The following NCKAP5L variants were observed in gnomAD, a reference collection of about 807,000 sequenced individuals.
NCKAP5L encodes the protein nck-associated protein 5-like.
Under a neutral mutation model 103.2 loss-of-function variants are expected in NCKAP5L, and 54 were observed. The ratio of observed to expected loss-of-function variants is 0.52; its 90% CI spans 0.42 to 0.66. The LOEUF (loss-of-function observed/expected upper bound fraction) is 0.66, where lower values mean the gene tolerates loss of function less well. NCKAP5L is among the 30% of genes least tolerant of loss of function. The pLI is 0.00. For synonymous variants in NCKAP5L, 762 were observed against 748.6 expected, an observed-to-expected ratio of 1.02 and a Z score of -0.29; for missense variants, 1,733 against 1,750.6, an observed-to-expected ratio of 0.99 and a Z score of 0.18.
chr12:49,821,960 G>A (rs1946365768), intron 1 of NCKAP5L, among the ~76,000 whole-genome samples: 1 of 152,192 alleles, frequency 6.6e-6, no homozygotes, highest in African/African-American at 2.4e-5. Context: ...TGGTCTGAAT[G>A]TTTGTATCCC....
chr12:49,819,915 G>T (rs532181758), intron 1 of NCKAP5L, among the ~76,000 whole-genome samples: 1 of 152,324 alleles, frequency 6.6e-6, no homozygotes, highest in Non-Finnish European at 1.5e-5. Flanking sequence ...AGAAGGAAAG[G>T]CAGCAACAGA....
At chr12:49,824,484 G>T (rs1401033334) in intron 1 of NCKAP5L, among the ~76,000 whole-genome samples, 1 of 152,238 alleles carries the variant, frequency 6.6e-6, no homozygotes, top group Non-Finnish European at 1.5e-5. Context: ...CCTTCCTACA[G>T]CAAGGCCTGT....
At chr12:49,793,670 G>A (rs1051876832) in intron 9 of NCKAP5L, 64 bp downstream of exon 9, 2 of 1,479,020 alleles carry the variant, frequency 1.4e-6, no homozygotes, top group East Asian at 4.8e-5. Context: ...CCCTCTAGGG[G>A]GTAAGAGACC....
At chr12:49,802,280 C>T (rs1946128822) in intron 5 of NCKAP5L, 1 of 236,344 alleles carries the variant, frequency 4.2e-6, no homozygotes, top group Non-Finnish European at 8.3e-6. Context: ...GACGGAGTCT[C>T]ACTTTGTCGC....
intron 9 of NCKAP5L, 40 bp from the exon 10 acceptor site, chr12:49,793,473 C>T: frequency 6.4e-7 from 1 of 1,574,790 alleles, no homozygotes; most frequent in East Asian, 2.2e-5. Context: ...CACTCCTCCC[C>T]CCTCCACACC....
Position 49,791,543 on chromosome 12 carries a change from G to C in NCKAP5L, c.*296C>G. Reference sequence around the variant, plus strand: ...CCACAAGATGGCTCAGCCTGAAGTAGGGACTGGAGGGCTGCGACACAGTGG... The same window carrying C: ...CCACAAGATGGCTCAGCCTGAAGTACGGACTGGAGGGCTGCGACACAGTGG... On this transcript the variant is annotated 3_prime_UTR_variant, in exon 13 of 13. Transcript: ENST00000335999. 3.5e-6 allele frequency: 1 copy of C among 286,248 alleles called. No homozygotes were observed. The highest frequency in any genetic ancestry group is 6.5e-6 in the Non-Finnish European group (1 of 154,060). The allele number at this position is 286,248 out of a possible 1,614,324, so 17.7% of individuals were successfully genotyped here. A position where few individuals can be genotyped will look rare whatever the true frequency, so the allele number is the denominator to read the frequency against.
At chr12:49,808,750 G>A (rs1306548921) in intron 1 of NCKAP5L, among the ~76,000 whole-genome samples, 1 of 152,206 alleles carries the variant, frequency 6.6e-6, no homozygotes, top group African/African-American at 2.4e-5. Flanking sequence ...CCTGCTCACA[G>A]CCATGAGCTC....
Position 49,795,136 on chromosome 12 carries a change from C to T in NCKAP5L, c.2724G>A (p.Glu908=). Residue 908 remains glutamate, a synonymous_variant, in exon 8 of 13, where the codon GAG becomes GAA. Transcript: ENST00000335999. ...LQGQERAPGA[E]VKHRNTSSIA... ...TGCTGCTGGTGTTGCGGTGCTTGACCTCGGCGCCAGGGGCTCGCTCCTGGC... is the reference window on the plus strand; with the variant it reads ...TGCTGCTGGTGTTGCGGTGCTTGACTTCGGCGCCAGGGGCTCGCTCCTGGC... 1 of 1,611,772 alleles carries T rather than the reference C, an allele frequency of 6.2e-7. No homozygotes were observed. The highest frequency in any genetic ancestry group is 1.1e-5 in the South Asian group (1 of 91,026).
chr12:49,809,956 G>A (rs1382725903), intron 1 of NCKAP5L, among the ~76,000 whole-genome samples: 1 of 151,930 alleles, frequency 6.6e-6, no homozygotes, highest in African/African-American at 2.4e-5. Flanking sequence ...CCCAACTTCC[G>A]TTTCACAGGC....
At chr12:49,810,979 T>C (rs1027080610) in intron 1 of NCKAP5L, among the ~76,000 whole-genome samples, 1 of 152,194 alleles carries the variant, frequency 6.6e-6, no homozygotes, top group Non-Finnish European at 1.5e-5. Context: ...TGAACATGCT[T>C]AGTCTGTACT....
chr12:49,798,535 C>T, intron 6 of NCKAP5L, 72 bp from the exon 7 acceptor site: 1 of 1,285,864 alleles, frequency 7.8e-7, no homozygotes, highest in Admixed American at 2.1e-5. Flanking sequence ...CAAAGCCAGG[C>T]CTTCCCCTCT....
rs755112006 is a variant in NCKAP5L, at chr12:49,796,347, C to A, written c.1513G>T (p.Gly505Cys). 14 of 1,562,766 alleles carry A rather than the reference C, an allele frequency of 9.0e-6. No homozygotes were observed. The South Asian group carries it at 1.7e-4, about 19-fold the overall frequency. The change falls in exon 8 of 13, where the codon GGT becomes TGT. Residue 505 changes from glycine to cysteine, a missense_variant. Transcript: ENST00000335999. ...GGGGACAGCTCTCCTCCACCCAGAC[C>A]CCTTCGGGCCAACAGTGGGGAGGGG... ...GSPSPLLARR[G>C]LGGGELSPEG...
intron 6 of NCKAP5L, among the ~76,000 whole-genome samples, chr12:49,800,248 C>T (rs1159879915): frequency 6.6e-6 from 1 of 152,216 alleles, no homozygotes. Context: ...CATTTCCATC[C>T]TTCTCTGATG....
chr12:49,796,574 T>C lies in NCKAP5L; in HGVS notation c.1286A>G (p.Gln429Arg), dbSNP rs1186298265. ...SRPGHPHSSS[Q>R]VKSKLQIGPP... ...GCCAATTTGGAGCTTGCTTTTCACC[T>C]GAGATGAGGAATGGGGGTGGCCAGG... Residue 429 changes from glutamine to arginine, a missense_variant, in exon 8 of 13, where the codon CAG becomes CGG. Physicochemically the swap from Gln to Arg is conservative, Grantham distance 43 (BLOSUM62 1). Coordinates refer to ENST00000335999, the MANE Select transcript of NCKAP5L (RefSeq NM_001037806.4). The C allele has an allele frequency of 1.2e-6, 2 of 1,602,926 alleles. No individual in the cohort carries two copies. The highest frequency in any genetic ancestry group is 1.7e-6 in the Non-Finnish European group (2 of 1,175,370).
intron 3 of NCKAP5L, 138 bp downstream of exon 3, chr12:49,803,784 A>T: frequency 8.7e-7 from 1 of 1,155,644 alleles, no homozygotes. Context: ...ATGTTCTGCT[A>T]GCCTCCTGCC....
Position 49,803,802 on chromosome 12 carries a change from G to A in NCKAP5L, c.123+120C>T, listed in dbSNP as rs994667141. 10 of 1,320,474 alleles carry A rather than the reference G, an allele frequency of 7.6e-6. No individual in the cohort carries two copies. The African/African-American group carries it at 1.5e-4, about 19-fold the overall frequency. 81.8% of individuals were successfully genotyped at this position (1,320,474 alleles called of 1,614,324 possible). On this transcript the variant is annotated intron_variant, in intron 3 of 12. Transcript: ENST00000335999. ...TTCTGCTAGCCTCCTGCCTGGCAAA[G>A]CAGGCCGAGAGGAAGGCCCATGGCA... is the stretch of plus-strand genomic sequence containing the variant.
At chr12:49,801,738 C>T (rs1406033969) in intron 6 of NCKAP5L, 110 bp downstream of exon 6, 2 of 1,351,396 alleles carry the variant, frequency 1.5e-6, no homozygotes, top group Admixed American at 4.1e-5. Context: ...GGAAGGTGGA[C>T]AGCTGATGGC....
chr12:49,808,263 A>G (rs1170315688), intron 1 of NCKAP5L, among the ~76,000 whole-genome samples: 1 of 152,190 alleles, frequency 6.6e-6, no homozygotes, highest in African/African-American at 2.4e-5. Flanking sequence ...CAGTGGTCAC[A>G]GTTCTTCTTC....
chr12:49,814,163 TA>T (rs34128669), intron 1 of NCKAP5L, among the ~76,000 whole-genome samples: 23,289 of 73,344 alleles, frequency 0.32, 3,213 homozygotes, highest in East Asian at 0.65. Context: ...TTTATATTTA[TA>T]TATATATATA....
Sources: gnomAD v4.1 joint callset for allele counts (sites outside exome capture counted in the v4.1 genomes callset) on GRCh38, gnomAD v4.1.1 for gene constraint, MANE v1.5 for transcripts, NCBI Gene and HGNC (gene_info 2026-07-23, HGNC 2026-07-21) for gene names.